Variants in GATA3 observed in about 807,000 individuals in gnomAD.
The protein encoded by GATA3 is trans-acting T-cell-specific transcription factor GATA-3.
Under a neutral mutation model 36.0 loss-of-function variants are expected in GATA3, and 6 were observed. The observed-to-expected ratio is 0.17, with a 90% CI of 0.09 to 0.33. The LOEUF (loss-of-function observed/expected upper bound fraction) is 0.33. GATA3 is among the 10% of genes least tolerant of loss of function. The pLI, the probability that GATA3 is intolerant of heterozygous loss-of-function variation, is 1.00. For missense variants in GATA3, 514 were observed against 610.1 expected, an observed-to-expected ratio of 0.84 and a Z score of 1.66; for synonymous variants, 326 against 273.0, an observed-to-expected ratio of 1.19 and a Z score of -1.92.
In GATA3 at chr10:8,067,675, T is replaced by G. The variant is rs552231369; in HGVS notation, c.925-1798T>G. Among the ~76,000 whole-genome samples, 53 of 147,012 alleles carry G rather than the reference T, an allele frequency of 3.6e-4. 2 individuals are homozygous for G. In the South Asian group the frequency reaches 0.011, roughly 32 times the overall value. ...TCTACTAAAAATACAAAAAATTAGC[T>G]GGGGCGGTGGCGGGCGCCTGTAGTC... On this transcript the variant is annotated intron_variant, in intron 4 of 5. Transcript: ENST00000379328.
In GATA3 at chr10:8,056,338, C is replaced by G. The variant is rs1350247491; in HGVS notation, c.241+442C>G. On this transcript the variant is annotated intron_variant, in intron 2 of 5. Coordinates refer to ENST00000379328, the MANE Select transcript of GATA3 (RefSeq NM_001002295.2). Reference sequence around the variant, plus strand: ...CCAAAAAACCTGGCGTTCCCTGTTACCCGCTAGCTCTTTCTAGGCGGGTGG... The same window carrying G: ...CCAAAAAACCTGGCGTTCCCTGTTAGCCGCTAGCTCTTTCTAGGCGGGTGG... Among the ~76,000 whole-genome samples the G allele has an allele frequency of 2.6e-5, 4 of 152,214 alleles. No individual in the cohort carries two copies. In the East Asian group the frequency reaches 5.8e-4, roughly 22 times the overall value.
upstream of GATA3, among the ~76,000 whole-genome samples, chr10:8,049,538 G>T (rs1045797530): frequency 2.0e-5 from 3 of 152,170 alleles, no homozygotes; most frequent in African/African-American, 7.2e-5. Context: ...GCGGTCCGGG[G>T]CGCCCTGCCG....
At chr10:8,049,754 C>T (rs1281378337), upstream of GATA3, among the ~76,000 whole-genome samples, 1 of 152,166 alleles carries the variant, frequency 6.6e-6, no homozygotes, top group Admixed American at 6.5e-5. Context: ...GTGAGGCTGG[C>T]TGGGTTGGAG....
chr10:8,068,708 G>A (rs1000931566), intron 4 of GATA3, among the ~76,000 whole-genome samples: 2 of 152,162 alleles, frequency 1.3e-5, no homozygotes, highest in Admixed American at 6.5e-5. Flanking sequence ...AGCTGAGATC[G>A]CACCACTGCA....
intron 4 of GATA3, 76 bp from the exon 5 acceptor site, chr10:8,069,397 A>T (rs2131511070): frequency 2.2e-6 from 3 of 1,378,294 alleles, no homozygotes; most frequent in Admixed American, 1.8e-5. Context: ...TTTTTTTTTC[A>T]AGCCTGTCTT....
chr10:8,053,972 G>A (rs1832566591), upstream of GATA3, among the ~76,000 whole-genome samples: 3 of 152,100 alleles, frequency 2.0e-5, no homozygotes, highest in Non-Finnish European at 4.4e-5. This position sits in a 1 kb window ranked among gnomAD's most constrained non-coding sequence, Gnocchi z 5.1. Context: ...ATTAGGTCTG[G>A]AAAGGGCAGC....
In GATA3 at chr10:8,058,659, C is replaced by A. The variant is rs1465086730; in HGVS notation, c.596C>A (p.Ser199Tyr). 1.2e-6 allele frequency: 2 copies of A among 1,613,218 alleles called. No individual in the cohort carries two copies. Among genetic ancestry groups the A allele is most frequent in the Non-Finnish European group, 1.7e-6 (2 of 1,179,970 alleles). ...PLPDSMKLES[S>Y]HSRGSMTALG... ...CCCGACAGCATGAAGCTGGAGTCGT[C>A]CCACTCCCGTGGCAGCATGACCGCC... is the stretch of plus-strand genomic sequence containing the variant. The change falls in exon 3 of 6, where the codon TCC (serine) becomes TAC (tyrosine). Residue 199 changes from serine (S) to tyrosine (Y), a missense_variant. Ser to Tyr is a moderately radical substitution (Grantham distance 144). Around this residue, in one of 3 missense-constraint regions of GATA3, gnomAD observed 381 missense variants for 354.3 expected, o/e 1.08. Transcript: ENST00000379328.
At chr10:8,062,347 T>A (rs1260559833) in intron 3 of GATA3, among the ~76,000 whole-genome samples, 1 of 144,734 alleles carries the variant, frequency 6.9e-6, no homozygotes, top group Non-Finnish European at 1.5e-5. Context: ...AAAAAAAACC[T>A]CTCTTACATC....
At chr10:8,064,268 G>GTTT (rs59622436) in intron 4 of GATA3, 130 bp downstream of exon 4, 1,220 of 637,660 alleles carry the variant, frequency 1.9e-3, no homozygotes, top group African/African-American at 6.6e-3. Flanking sequence ...GCTTGGGACA[G>GTTT]TTTTTTTTTT....
chr10:8,052,888 G>C (rs1039307653), upstream of GATA3: 57 of 100,912 alleles, frequency 5.6e-4, no homozygotes, highest in African/African-American at 2.3e-3. Flanking sequence ...GGGCTCAGGA[G>C]AAACGTGGCG....
chr10:8,072,639 G>A (rs1188921863), intron 5 of GATA3, among the ~76,000 whole-genome samples: 1 of 152,234 alleles, frequency 6.6e-6, no homozygotes, highest in Non-Finnish European at 1.5e-5. Context: ...TTGATCTTGA[G>A]AGTAGGGTCT....
upstream of GATA3, among the ~76,000 whole-genome samples, chr10:8,054,323 C>A (rs116527134): frequency 4.9e-4 from 75 of 152,348 alleles, no homozygotes; most frequent in African/African-American, 1.8e-3. This position sits in a 1 kb window ranked among gnomAD's most constrained non-coding sequence, Gnocchi z 4.2. Flanking sequence ...ATGAATGGGG[C>A]AGGCTGGCTG....
At chr10:8,050,290 A>G (rs2131467336), upstream of GATA3, among the ~76,000 whole-genome samples, 1 of 152,236 alleles carries the variant, frequency 6.6e-6, no homozygotes, top group South Asian at 2.1e-4. Context: ...GAGACACCCA[A>G]TTAAAGGCCC....
At position 8,074,315 on chromosome 10, in the gene GATA3, T is replaced by C. The variant is rs1588391974; in HGVS notation, c.*292T>C. ...GCTGAACATTGCATATAACTTATAT[T>C]GTAAGAAATACTGTACAATGACTTT... is the stretch of plus-strand genomic sequence containing the variant. On this transcript the variant is annotated 3_prime_UTR_variant, in exon 6 of 6. Transcript: ENST00000379328. 2.3e-6 allele frequency: 1 copy of C among 434,362 alleles called. No individual in the cohort carries two copies. The highest frequency in any genetic ancestry group is 3.6e-5 in the East Asian group (1 of 27,802). 26.9% of individuals were successfully genotyped at this position (434,362 alleles called of 1,614,324 possible).
upstream of GATA3, chr10:8,050,661 G>C (rs1832461514): frequency 9.2e-6 from 2 of 218,034 alleles, no homozygotes; most frequent in South Asian, 5.2e-5. Context: ...GGCAGGCGCC[G>C]GGGCTCCGGG....
intron 4 of GATA3, 121 bp downstream of exon 4, chr10:8,064,259 C>T: frequency 2.0e-6 from 2 of 992,448 alleles, no homozygotes; most frequent in African/African-American, 1.8e-5. Flanking sequence ...TGTCAGCTGG[C>T]TTGGGACAGT....
intron 5 of GATA3, among the ~76,000 whole-genome samples, chr10:8,071,243 A>G (rs1019371727): frequency 1.5e-4 from 23 of 152,212 alleles, no homozygotes; most frequent in African/African-American, 5.5e-4. Context: ...GAGAAAGTAT[A>G]AGAGTCAGGG....
chr10:8,056,008 C>A (rs1298143977), intron 2 of GATA3, 112 bp downstream of exon 2: 2 of 1,398,310 alleles, frequency 1.4e-6, no homozygotes, highest in Admixed American at 2.0e-5. Flanking sequence ...CCCCCATCTG[C>A]CGTTCCTGGT....
chr10:8,067,747 G>A (rs1165997771), intron 4 of GATA3, among the ~76,000 whole-genome samples: 2 of 152,226 alleles, frequency 1.3e-5, no homozygotes, highest in Non-Finnish European at 2.9e-5. Flanking sequence ...GAACCCAGGA[G>A]GCGGAGCTTG....
Sources: gnomAD v4.1 joint callset for allele counts (sites outside exome capture counted in the v4.1 genomes callset) on GRCh38, gnomAD v4.1.1 for gene constraint, gnomAD v4.1.1 regional missense constraint, Gnocchi (gnomAD v3.1) non-coding constraint, MANE v1.5 for transcripts, NCBI Gene and HGNC (gene_info 2026-07-23, HGNC 2026-07-21) for gene names.